FAM241A: variants seen among roughly 807,000 people sequenced by gnomAD.
FAM241A encodes the protein uncharacterized protein FAM241A.
In FAM241A, 7 loss-of-function variants were observed where a neutral mutation model predicts 12.2. The observed-to-expected ratio is 0.58, with a 90% confidence interval of 0.33 to 1.08. The LOEUF (loss-of-function observed/expected upper bound fraction) is 1.08, where lower values mean the gene tolerates loss of function less well. FAM241A is among the 50% of genes least tolerant of loss of function. The pLI, the probability that FAM241A is intolerant of heterozygous loss-of-function variation, is 0.04. For synonymous variants in FAM241A, 74 were observed against 68.2 expected, an observed-to-expected ratio of 1.08 and a Z score of -0.42; for missense variants, 161 against 169.7, an observed-to-expected ratio of 0.95 and a Z score of 0.29.
intron 1 of FAM241A, among the ~76,000 whole-genome samples, chr4:112,170,195 T>C (rs1262061121): frequency 6.6e-6 from 1 of 152,204 alleles, no homozygotes; most frequent in African/African-American, 2.4e-5. Flanking sequence ...TTGGAGCACA[T>C]TCTGCTCATG....
intron 1 of FAM241A, among the ~76,000 whole-genome samples, chr4:112,165,919 T>G (rs1238748464): frequency 1.3e-5 from 2 of 152,242 alleles, no homozygotes; most frequent in South Asian, 2.1e-4. Context: ...TTGGATTGTT[T>G]GTAACACAAA....
intron 1 of FAM241A, among the ~76,000 whole-genome samples, chr4:112,162,292 G>A (rs1163992909): frequency 6.6e-6 from 1 of 152,138 alleles, no homozygotes; most frequent in African/African-American, 2.4e-5. Context: ...TCAACATACT[G>A]TTGGAAGTTC....
chr4:112,174,491 ACTT>A (rs1723782069), intron 1 of FAM241A, among the ~76,000 whole-genome samples: 1 of 152,246 alleles, frequency 6.6e-6, no homozygotes, highest in Non-Finnish European at 1.5e-5. Flanking sequence ...GGAATGGAGA[ACTT>A]TCCGGGCTAA....
At chr4:112,172,362 G>T (rs922261265) in intron 1 of FAM241A, among the ~76,000 whole-genome samples, 3 of 152,208 alleles carry the variant, frequency 2.0e-5, no homozygotes, top group Non-Finnish European at 4.4e-5. Flanking sequence ...ATCAGTCTTT[G>T]CAGGTGACTA....
chr4:112,162,668 C>A (rs7690233), intron 1 of FAM241A, among the ~76,000 whole-genome samples: 13,998 of 152,034 alleles, frequency 0.092, 779 homozygotes, highest in African/African-American at 0.15. Context: ...GAGGACACAA[C>A]CAAATGGAAG....
chr4:112,178,993 AG>A (rs1250530078), intron 1 of FAM241A, among the ~76,000 whole-genome samples: 4 of 152,164 alleles, frequency 2.6e-5, no homozygotes, highest in African/African-American at 9.7e-5. Flanking sequence ...GAGGCTGTGG[AG>A]AAAAGGGAAT....
intron 1 of FAM241A, among the ~76,000 whole-genome samples, chr4:112,152,479 G>C (rs553437047): frequency 1.3e-5 from 2 of 152,252 alleles, no homozygotes; most frequent in South Asian, 2.1e-4. Context: ...TTGTTTATTT[G>C]CTTGAAACCT....
intron 1 of FAM241A, among the ~76,000 whole-genome samples, chr4:112,150,118 T>C (rs1307497254): frequency 1.3e-5 from 2 of 152,054 alleles, no homozygotes; most frequent in Admixed American, 6.6e-5. Context: ...ACTCTATATA[T>C]TTAATCTCTT....
At chr4:112,184,429 T>C (rs1185778792) in intron 1 of FAM241A, among the ~76,000 whole-genome samples, 1 of 152,072 alleles carries the variant, frequency 6.6e-6, no homozygotes, top group African/African-American at 2.4e-5. Flanking sequence ...CTTGGGAGGC[T>C]AAGGCAGGAG....
intron 1 of FAM241A, among the ~76,000 whole-genome samples, chr4:112,174,789 A>G (rs1216534223): frequency 2.6e-5 from 4 of 152,162 alleles, no homozygotes; most frequent in Admixed American, 2.0e-4. Flanking sequence ...CTGTACATAG[A>G]CCCATCAACA....
At position 112,192,148 on chromosome 4, in the gene FAM241A, A is replaced by T. The variant is rs182060298; in HGVS notation, c.*5210A>T. On this transcript the variant is annotated 3_prime_UTR_variant, in exon 2 of 2. Coordinates refer to ENST00000309733, the MANE Select transcript of FAM241A (RefSeq NM_152400.3). The stretch of plus-strand genomic sequence containing the variant: ...ATAAAAGAATACTGCTGTTATTTGG[A>T]TACATACACAGTATTTCCACTATAC... 1.5e-3 allele frequency: 235 copies of T among 152,270 alleles called. 1 individual carries two copies. The highest frequency in any genetic ancestry group is 5.0e-3 in the African/African-American group (208 of 41,524). The allele number at this position is 152,270 out of a possible 1,614,324, so 9.4% of individuals were successfully genotyped here. A position where few individuals can be genotyped will look rare whatever the true frequency, so the allele number is the denominator to read the frequency against.
intron 1 of FAM241A, among the ~76,000 whole-genome samples, chr4:112,147,275 G>T (rs1196657987): frequency 6.6e-6 from 1 of 152,158 alleles, no homozygotes; most frequent in Non-Finnish European, 1.5e-5. Flanking sequence ...TGTCATGAAA[G>T]TTCATTCTCC....
chr4:112,153,997 G>A (rs1371490818), intron 1 of FAM241A, among the ~76,000 whole-genome samples: 3 of 151,756 alleles, frequency 2.0e-5, no homozygotes, highest in African/African-American at 7.3e-5. Flanking sequence ...TTTAATTTTT[G>A]TTTTGTATCC....
chr4:112,152,714 A>T (rs1723269049), intron 1 of FAM241A, among the ~76,000 whole-genome samples: 1 of 151,820 alleles, frequency 6.6e-6, no homozygotes, highest in South Asian at 2.1e-4. Flanking sequence ...TACCTCTTCC[A>T]CTTCAGTGCA....
At chr4:112,164,859 C>A (rs1300810586) in intron 1 of FAM241A, among the ~76,000 whole-genome samples, 1 of 152,124 alleles carries the variant, frequency 6.6e-6, no homozygotes, top group Non-Finnish European at 1.5e-5. Context: ...GCCTATAATC[C>A]CAGCACTTTG....
In FAM241A at chr4:112,194,456, G is replaced by T. The variant is rs1182870584; in HGVS notation, c.*7518G>T. ...TTCAAAGGGAATGCTTCCAGTTTTT[G>T]CCCATTCAGTATGATATTGGCTGTG... On this transcript the variant is annotated 3_prime_UTR_variant, in exon 2 of 2. Coordinates refer to ENST00000309733, the MANE Select transcript of FAM241A (RefSeq NM_152400.3). 4 of 150,820 alleles carry T rather than the reference G, an allele frequency of 2.7e-5. No homozygotes were observed. The highest frequency in any genetic ancestry group is 1.3e-4 in the Admixed American group (2 of 15,170). 9.3% of individuals were successfully genotyped at this position (150,820 alleles called of 1,614,324 possible). A position where few individuals can be genotyped will look rare whatever the true frequency, so the allele number is the denominator to read the frequency against.
chr4:112,167,045 C>G (rs1475775975), intron 1 of FAM241A, among the ~76,000 whole-genome samples: 2 of 122,738 alleles, frequency 1.6e-5, no homozygotes, highest in Non-Finnish European at 3.3e-5. Context: ...ACCCGGGAGG[C>G]GGAGCTTGCA....
intron 1 of FAM241A, among the ~76,000 whole-genome samples, chr4:112,157,355 A>C (rs1218122391): frequency 6.6e-6 from 1 of 152,148 alleles, no homozygotes; most frequent in African/African-American, 2.4e-5. Flanking sequence ...ATGGACTTTA[A>C]AATAACTCAA....
rs567191643 is a variant in FAM241A at position 112,159,946 on chromosome 4, A to G, written c.153+14213A>G. Among the ~76,000 whole-genome samples the G allele has an allele frequency of 2.4e-4, 37 of 152,360 alleles. 1 individual carries two copies. Among genetic ancestry groups the G allele is most frequent in the African/African-American group, 8.2e-4 (34 of 41,592 alleles). ...TAGCTAGAGCAATCAAACAAGAGAA[A>G]GATATAAAGGGCATCCAGATTGGAA... On this transcript the variant is annotated intron_variant, in intron 1 of 1. Coordinates refer to ENST00000309733, the MANE Select transcript of FAM241A (RefSeq NM_152400.3).
Sources: gnomAD v4.1 joint callset for allele counts (sites outside exome capture counted in the v4.1 genomes callset) on GRCh38, gnomAD v4.1.1 for gene constraint, MANE v1.5 for transcripts, NCBI Gene and HGNC (gene_info 2026-07-23, HGNC 2026-07-21) for gene names.